KLK14: variants seen among roughly 807,000 people sequenced by gnomAD.
KLK14 encodes kallikrein related peptidase 14, also known as kallikrein-14.
In KLK14, 21 loss-of-function variants were observed where a neutral mutation model predicts 24.6. The observed-to-expected ratio is 0.85, with a 90% CI of 0.61 to 1.23. The LOEUF is 1.23. Among genes scored for constraint, KLK14 ranks in the 50% most tolerant of loss-of-function variants. KLK14 has a pLI of 0.00. For missense variants in KLK14, 320 were observed against 338.9 expected, an observed-to-expected ratio of 0.94 and a Z score of 0.44; for synonymous variants, 133 against 139.7, an observed-to-expected ratio of 0.95 and a Z score of 0.34.
At position 51,082,871 on chromosome 19, in the gene KLK14, G is replaced by C. The variant is rs933980274; in HGVS notation, c.-172C>G. ...CTCCTTGATGTCTTGATGAAGGAAG[G>C]AGGGGAGGTGTCTCTCTTCCTAGTC... On this transcript the variant is annotated 5_prime_UTR_variant, in exon 1 of 6. Coordinates refer to ENST00000650543, the MANE Select transcript of KLK14 (RefSeq NM_001369775.2). 1 of 1,069,992 alleles carries C rather than the reference G, an allele frequency of 9.3e-7. No individual in the cohort carries two copies. Among genetic ancestry groups the C allele is most frequent in the African/African-American group, 1.6e-5 (1 of 63,104 alleles). The allele number at this position is 1,069,992 out of a possible 1,614,324, so 66.3% of individuals were successfully genotyped here.
chr19:51,082,698 G>A (rs745432111), intron 1 of KLK14, 24 bp downstream of exon 1: 1 of 1,614,026 alleles, frequency 6.2e-7, no homozygotes, highest in Non-Finnish European at 8.5e-7. Context: ...GGGCTGAGAG[G>A]CAGAGACAGC....
At chr19:51,083,297 G>A (rs1356570583), upstream of KLK14, among the ~76,000 whole-genome samples, 4 of 150,488 alleles carry the variant, frequency 2.7e-5, no homozygotes, top group Admixed American at 2.7e-4. Context: ...GAGAGAGAGA[G>A]AGAGAGAGAG....
Position 51,082,601 on chromosome 19 carries a change from A to T in KLK14, c.14T>A (p.Leu5Gln), listed in dbSNP as rs761264376. 1 of 1,614,174 alleles carries T rather than the reference A, an allele frequency of 6.2e-7. No individual in the cohort carries two copies. The highest frequency in any genetic ancestry group is 8.5e-7 in the Non-Finnish European group (1 of 1,180,028). The change falls in exon 2 of 6, where the codon CTG (leucine) becomes CAG (glutamine). Residue 5 changes from leucine (L) to glutamine (Q), a missense_variant. Physicochemically the swap from Leu to Gln is moderately radical, Grantham distance 113. Transcript: ENST00000650543. Reference protein sequence around the residue: MFLLLTALQVLAIAM... With the variant: MFLLQTALQVLAIAM... ...TATAGCCAGGACTTGAAGTGCTGTC[A>T]GCAGGAGGAACATTTTAGGGGCTGA...
At chr19:51,083,456 AAG>A (rs763745084), upstream of KLK14, among the ~76,000 whole-genome samples, 2 of 146,532 alleles carry the variant, frequency 1.4e-5, no homozygotes, top group South Asian at 2.2e-4. Context: ...GAGAGAGAGA[AAG>A]AGAGAGACAG....
In KLK14 at chr19:51,079,442, T is replaced by A; in HGVS notation, c.466+7A>T. Reference sequence around the variant, plus strand: ...TCCCCTGCTTTCCAAGACGCAGGAGTCCTCACCGATGGGGCTGGATATAGT... The same window carrying A: ...TCCCCTGCTTTCCAAGACGCAGGAGACCTCACCGATGGGGCTGGATATAGT... On this transcript the variant is annotated splice_region_variant and intron_variant, in intron 4 of 5. Coordinates refer to ENST00000650543, the MANE Select transcript of KLK14 (RefSeq NM_001369775.2). 6.2e-7 allele frequency: 1 copy of A among 1,604,090 alleles called. No individual in the cohort carries two copies. The highest frequency in any genetic ancestry group is 8.5e-7 in the Non-Finnish European group (1 of 1,173,896).
chr19:51,079,883 C>T (rs900727130), intron 3 of KLK14, among the ~76,000 whole-genome samples, 181 bp from the exon 4 acceptor site: 3 of 152,170 alleles, frequency 2.0e-5, no homozygotes, highest in South Asian at 2.1e-4. Context: ...GGCATTCTCT[C>T]GGCCCAGCCC....
At chr19:51,080,182 AT>A (rs5828456) in intron 3 of KLK14, among the ~76,000 whole-genome samples, 4 of 145,012 alleles carry the variant, frequency 2.8e-5, no homozygotes, top group East Asian at 2.0e-4. Context: ...TTATTTATTT[AT>A]TTTTTTTTTG....
At chr19:51,079,224 T>C (rs1291578870) in intron 4 of KLK14, among the ~76,000 whole-genome samples, 6 of 114,366 alleles carry the variant, frequency 5.2e-5, no homozygotes, top group South Asian at 2.9e-4. Context: ...GACCCAGGAG[T>C]CCAGGCTCCA....
chr19:51,078,678 G>A lies in KLK14; in HGVS notation c.603+137C>T. ...GGGCACAGGGCTAGGAAGCAGGGTG[G>A]CCTGGCTATCGGAATCTCTCTGTGC... On this transcript the variant is annotated intron_variant, in intron 5 of 5. Transcript: ENST00000650543. The surrounding 1 kb of genome is among the most constrained non-coding windows in gnomAD (Gnocchi z 5.0). 7.0e-6 allele frequency: 8 copies of A among 1,145,536 alleles called. No individual in the cohort carries two copies. In the South Asian group the frequency reaches 1.2e-4, roughly 17 times the overall value. 71.0% of individuals were successfully genotyped at this position (1,145,536 alleles called of 1,614,324 possible). A position where few individuals can be genotyped will look rare whatever the true frequency, so the allele number is the denominator to read the frequency against.
chr19:51,079,682 C>T lies in KLK14; in HGVS notation c.233G>A (p.Gly78Asp), dbSNP rs1300866139. ...CTCCCACCTCCTCAGGTTGTGCTTG[C>T]CCAGGGCAACCTGAAGGATCCTGGC... ...CGRPILQVAL[G>D]KHNLRRWEAT... The change falls in exon 4 of 6, where the codon GGC becomes GAC. Residue 78 changes from glycine (G) to aspartate (D), a missense_variant. Gly to Asp is a moderately conservative substitution (Grantham distance 94). Coordinates refer to ENST00000650543, the MANE Select transcript of KLK14 (RefSeq NM_001369775.2). The T allele has an allele frequency of 1.0e-5, 16 of 1,566,504 alleles. No individual in the cohort carries two copies. Among genetic ancestry groups the T allele is most frequent in the Admixed American group, 1.9e-5 (1 of 52,794 alleles).
rs1024453784 is a variant in KLK14, at chr19:51,078,022, C to T, written c.741G>A (p.Thr247=). ...GTGAAGACCATCATTTGTCCCGCAT[C>T]GTTTCCTCAATCCAGCTTCTGTACT... is the stretch of plus-strand genomic sequence containing the variant. The part of the protein sequence containing the change: ...LCKYRSWIEE[T]MRDK The change falls in exon 6 of 6, where the codon ACG becomes ACA. Residue 247 remains threonine (T), a synonymous_variant. Coordinates refer to ENST00000650543, the MANE Select transcript of KLK14 (RefSeq NM_001369775.2). The surrounding 1 kb of genome is among the most constrained non-coding windows in gnomAD (Gnocchi z 5.0). 3.7e-6 allele frequency: 6 copies of T among 1,613,770 alleles called. No individual in the cohort carries two copies. The highest frequency in any genetic ancestry group is 5.1e-6 in the Non-Finnish European group (6 of 1,179,838).
rs2091818369 is a variant in KLK14 at position 51,078,790 on chromosome 19, C to T, written c.603+25G>A. 2 of 1,611,262 alleles carry T rather than the reference C, an allele frequency of 1.2e-6. No individual in the cohort carries two copies. Among genetic ancestry groups the T allele is most frequent in the Non-Finnish European group, 1.7e-6 (2 of 1,178,588 alleles). ...AAATCCCAGTCCCAAATAATCCCTA[C>T]CACAGCTCCCATCCTGGGCCTTACC... is the stretch of plus-strand genomic sequence containing the variant. On this transcript the variant is annotated intron_variant, in intron 5 of 5. Coordinates refer to ENST00000650543, the MANE Select transcript of KLK14 (RefSeq NM_001369775.2). This position sits in a 1 kb window ranked among gnomAD's most constrained non-coding sequence, Gnocchi z 5.0.
At position 51,082,578 on chromosome 19, in the gene KLK14, T is replaced by G; in HGVS notation, c.37A>C (p.Ile13Leu). Residue 13 changes from isoleucine to leucine, a missense_variant, in exon 2 of 6, where the codon ATA becomes CTA. By Grantham distance (5) the Ile-to-Leu change is conservative. Transcript: ENST00000650543. ...TCATACCCAACCGTTCTCTTACCTA[T>G]AGCCAGGACTTGAAGTGCTGTCAGC... ...LLLTALQVLA[I>L]AMTQSQEDEN... The G allele has an allele frequency of 1.9e-6, 3 of 1,613,920 alleles. No individual in the cohort carries two copies. The highest frequency in any genetic ancestry group is 1.7e-6 in the Non-Finnish European group (2 of 1,179,972).
In KLK14 at chr19:51,079,602, A is replaced by T; in HGVS notation, c.313T>A (p.Ser105Thr). 1 of 1,613,308 alleles carries T rather than the reference A, an allele frequency of 6.2e-7. No homozygotes were observed. The highest frequency in any genetic ancestry group is 8.5e-7 in the Non-Finnish European group (1 of 1,179,770). Residue 105 changes from serine (S) to threonine (T), a missense_variant, in exon 4 of 6, where the codon TCC becomes ACC. Physicochemically the swap from Ser to Thr is moderately conservative, Grantham distance 58. Transcript: ENST00000650543. ...VRQVTHPNYN[S>T]RTHDNDLMLL... ...ATGAGGTCGTTGTCGTGGGTCCGGG[A>T]GTTGTAGTTGGGGTGCGTCACCTGA...
chr19:51,078,666 G>T lies in KLK14; in HGVS notation c.603+149C>A. Reference sequence around the variant, plus strand: ...CCATTACCCAGGGGGCACAGGGCTAGGAAGCAGGGTGGCCTGGCTATCGGA... The same window carrying T: ...CCATTACCCAGGGGGCACAGGGCTATGAAGCAGGGTGGCCTGGCTATCGGA... On this transcript the variant is annotated intron_variant, in intron 5 of 5. Transcript: ENST00000650543. The surrounding 1 kb of genome is among the most constrained non-coding windows in gnomAD (Gnocchi z 5.0). 1 of 1,041,860 alleles carries T rather than the reference G, an allele frequency of 9.6e-7. No homozygotes were observed. Among genetic ancestry groups the T allele is most frequent in the Non-Finnish European group, 1.4e-6 (1 of 714,634 alleles). 64.5% of individuals were successfully genotyped at this position (1,041,860 alleles called of 1,614,324 possible).
In KLK14 at chr19:51,077,967, G is replaced by T; in HGVS notation, c.*40C>A. 3 of 1,607,064 alleles carry T rather than the reference G, an allele frequency of 1.9e-6. No individual in the cohort carries two copies. Among genetic ancestry groups the T allele is most frequent in the Non-Finnish European group, 2.6e-6 (3 of 1,176,204 alleles). ...CTGGGTCCTGAGTAGAGAGAGGAGG[G>T]CCTGGGCAGCTGACGAGGTCCATCC... On this transcript the variant is annotated 3_prime_UTR_variant, in exon 6 of 6. Coordinates refer to ENST00000650543, the MANE Select transcript of KLK14 (RefSeq NM_001369775.2).
chr19:51,083,592 G>C (rs2091854207), upstream of KLK14, among the ~76,000 whole-genome samples: 2 of 151,872 alleles, frequency 1.3e-5, no homozygotes, highest in South Asian at 4.2e-4. Context: ...GTGCTCATGA[G>C]AGAAGGAACT....
Position 51,078,391 on chromosome 19 carries a change from A to C in KLK14, c.604-232T>G, listed in dbSNP as rs1239376917. On this transcript the variant is annotated intron_variant, in intron 5 of 5. Coordinates refer to ENST00000650543, the MANE Select transcript of KLK14 (RefSeq NM_001369775.2). This position sits in a 1 kb window ranked among gnomAD's most constrained non-coding sequence, Gnocchi z 5.0. Reference sequence around the variant, plus strand: ...TGCACCTGCCTGTCCCTTGAATCTCACCAGGCCCCTCTCTGTTCGCTCCAA... The same window carrying C: ...TGCACCTGCCTGTCCCTTGAATCTCCCCAGGCCCCTCTCTGTTCGCTCCAA... Among the ~76,000 whole-genome samples, 1 of 152,002 alleles carries C rather than the reference A, an allele frequency of 6.6e-6. No homozygotes were observed. The highest frequency in any genetic ancestry group is 1.9e-4 in the East Asian group (1 of 5,180).
In KLK14 at chr19:51,081,710, G is replaced by T. The variant is rs767720978; in HGVS notation, c.41-7C>A. On this transcript the variant is annotated splice_region_variant and splice_polypyrimidine_tract_variant and intron_variant, in intron 2 of 5. Coordinates refer to ENST00000650543, the MANE Select transcript of KLK14 (RefSeq NM_001369775.2). Reference sequence around the variant, plus strand: ...TCTTGGCTCTGTGTCATGGCTAGGAGTGGACAGGATTGGGTGGGGAAAGTA... The same window carrying T: ...TCTTGGCTCTGTGTCATGGCTAGGATTGGACAGGATTGGGTGGGGAAAGTA... The T allele has an allele frequency of 6.5e-6, 10 of 1,528,188 alleles. No homozygotes were observed. The highest frequency in any genetic ancestry group is 8.8e-6 in the Non-Finnish European group (10 of 1,131,872). The allele number at this position is 1,528,188 out of a possible 1,614,324, so 94.7% of individuals were successfully genotyped here.
Sources: allele counts gnomAD v4.1 joint callset (sites outside exome capture counted in the v4.1 genomes callset), GRCh38; gene constraint gnomAD v4.1.1; non-coding constraint Gnocchi (gnomAD v3.1); transcripts MANE v1.5; gene names NCBI Gene and HGNC (gene_info 2026-07-23, HGNC 2026-07-21).